Variants in FOXP2 observed in about 807,000 individuals in gnomAD.
FOXP2 encodes the protein forkhead box P2.
Under a neutral mutation model 115.8 loss-of-function variants are expected in FOXP2, and 12 were observed. That is an observed-to-expected ratio of 0.10 (90% CI 0.07 to 0.17). The LOEUF is 0.17. Among genes scored for constraint, FOXP2 ranks in the 10% least tolerant of loss-of-function variants. The probability of loss-of-function intolerance (pLI) is 1.00; values close to 1 mark genes in which losing one functional copy is unlikely to be tolerated. For missense variants in FOXP2, 629 were observed against 843.5 expected (o/e 0.75, Z 3.15); for synonymous variants, 328 against 297.7 (o/e 1.10, Z -1.05).
chr7:114,340,814 C>G (rs917142981), intron 2 of FOXP2, among the ~76,000 whole-genome samples: 1 of 151,086 alleles, frequency 6.6e-6, no homozygotes, highest in African/African-American at 2.4e-5. Context: ...TTAACTTATT[C>G]TTGTAAAAAT....
chr7:114,654,696 A>G (rs950058681), intron 10 of FOXP2, among the ~76,000 whole-genome samples: 5 of 152,172 alleles, frequency 3.3e-5, no homozygotes, highest in African/African-American at 9.6e-5. Context: ...TATCTCATTC[A>G]GCTGATGTTT....
intron 1 of FOXP2, among the ~76,000 whole-genome samples, chr7:114,202,881 C>T (rs1563003722): frequency 6.6e-6 from 1 of 152,118 alleles, no homozygotes; most frequent in Non-Finnish European, 1.5e-5. Context: ...ATGTGTAACA[C>T]CTCTTACCAA....
chr7:114,689,037 T>C (rs1352073440), intron 16 of FOXP2, among the ~76,000 whole-genome samples: 1 of 152,184 alleles, frequency 6.6e-6, no homozygotes, highest in Non-Finnish European at 1.5e-5. Context: ...TGAACCTTCA[T>C]AGCTTTTCTC....
chr7:114,590,274 C>T (rs1563019568), intron 3 of FOXP2, among the ~76,000 whole-genome samples: 1 of 151,910 alleles, frequency 6.6e-6, no homozygotes, highest in Non-Finnish European at 1.5e-5. Flanking sequence ...AAAATATAAC[C>T]CAAAGAAATT....
chr7:114,112,480 G>A (rs1292822475), intron 1 of FOXP2, among the ~76,000 whole-genome samples: 2 of 151,890 alleles, frequency 1.3e-5, no homozygotes, highest in Non-Finnish European at 2.9e-5. Flanking sequence ...TGTGTTTTTT[G>A]TAGAGATGGG....
At chr7:114,656,099 C>T (rs1364874807) in intron 10 of FOXP2, among the ~76,000 whole-genome samples, 3 of 152,032 alleles carry the variant, frequency 2.0e-5, no homozygotes, top group African/African-American at 4.8e-5. Context: ...AATAAGTTAC[C>T]GTAACATTGT....
rs527267745 is a variant in FOXP2, at chr7:114,608,677, C to A, written c.259-19863C>A. Among the ~76,000 whole-genome samples, 237 of 152,282 alleles carry A rather than the reference C, an allele frequency of 1.6e-3. 3 individuals carry two copies. The South Asian group carries it at 0.031, about 20-fold the overall frequency. On this transcript the variant is annotated intron_variant, in intron 3 of 16. Transcript: ENST00000350908. ...AAACACCATTCTAGGGGACACTTCA[C>A]CTGAGTGAGCCACTCACCACTGACC... is the stretch of plus-strand genomic sequence containing the variant.
intron 2 of FOXP2, among the ~76,000 whole-genome samples, chr7:114,314,090 T>C (rs1201445094): frequency 6.6e-6 from 1 of 152,016 alleles, no homozygotes; most frequent in Non-Finnish European, 1.5e-5. Flanking sequence ...CATGCTATTA[T>C]GGATTAATAT....
At position 114,693,665 on chromosome 7, in the gene FOXP2, T is replaced by G; in HGVS notation, c.*3739T>G. ...TACTATAGAATTAATGTATGAACAG[T>G]GTGTCACTGCTGTTGGATGTAAAAA... On this transcript the variant is annotated 3_prime_UTR_variant, in exon 17 of 17. Transcript: ENST00000350908. 1 of 413,372 alleles carries G rather than the reference T, an allele frequency of 2.4e-6. No homozygotes were observed. The highest frequency in any genetic ancestry group is 4.8e-6 in the Non-Finnish European group (1 of 206,984). The allele number at this position is 413,372 out of a possible 1,614,324, so 25.6% of individuals were successfully genotyped here. A position where few individuals can be genotyped will look rare whatever the true frequency, so the allele number is the denominator to read the frequency against.
chr7:114,423,665 A>G (rs777609569), intron 1 of FOXP2, among the ~76,000 whole-genome samples: 1 of 151,684 alleles, frequency 6.6e-6, no homozygotes. Flanking sequence ...TCATAAGCAC[A>G]TCCACTCTGA....
intron 8 of FOXP2, among the ~76,000 whole-genome samples, chr7:114,648,302 A>G (rs966007799): frequency 6.6e-6 from 1 of 152,186 alleles, no homozygotes; most frequent in Middle Eastern, 3.4e-3. Flanking sequence ...CATCTCACAT[A>G]ATCAACTAAA....
intron 2 of FOXP2, among the ~76,000 whole-genome samples, chr7:114,466,416 CT>C (rs1795801869): frequency 6.6e-6 from 1 of 152,198 alleles, no homozygotes; most frequent in Non-Finnish European, 1.5e-5. Flanking sequence ...TATCAATGGC[CT>C]CCCAGATGTG....
intron 1 of FOXP2, among the ~76,000 whole-genome samples, chr7:114,184,213 T>G (rs952746127): frequency 3.3e-5 from 5 of 152,156 alleles, no homozygotes; most frequent in African/African-American, 1.2e-4. Context: ...GTTTCAGTCT[T>G]GAAATGCCCA....
At chr7:114,196,408 A>G (rs1793909022) in intron 1 of FOXP2, among the ~76,000 whole-genome samples, 1 of 152,212 alleles carries the variant, frequency 6.6e-6, no homozygotes, top group Non-Finnish European at 1.5e-5. Flanking sequence ...CTAACTTTAG[A>G]CACTTAATTC....
chr7:114,514,950 G>C (rs556133943), intron 2 of FOXP2, among the ~76,000 whole-genome samples: 1 of 148,766 alleles, frequency 6.7e-6, no homozygotes, highest in African/African-American at 2.5e-5. Flanking sequence ...TCCCACCTAT[G>C]AGTGAGAATA....
chr7:114,606,957 T>G (rs765469927), intron 3 of FOXP2, among the ~76,000 whole-genome samples: 8 of 152,336 alleles, frequency 5.3e-5, no homozygotes, highest in Non-Finnish European at 1.2e-4. Flanking sequence ...GTTGAATGAC[T>G]TGGCCACTTT....
intron 1 of FOXP2, among the ~76,000 whole-genome samples, chr7:114,277,019 A>G (rs548801437): frequency 4.6e-5 from 7 of 152,280 alleles, no homozygotes; most frequent in Non-Finnish European, 1.0e-4. Context: ...CAGCATTAAG[A>G]TTGCCTAAAG....
At position 114,654,158 on chromosome 7, in the gene FOXP2, G is replaced by A. The variant is rs146062027; in HGVS notation, c.1266+149G>A. The A allele has an allele frequency of 1.0e-4, 159 of 1,519,948 alleles. 1 individual carries two copies. In the African/African-American group the frequency reaches 1.7e-3, roughly 16 times the overall value. 94.2% of individuals were successfully genotyped at this position (1,519,948 alleles called of 1,614,324 possible). On this transcript the variant is annotated intron_variant, in intron 10 of 16. Transcript: ENST00000350908. ...GTAAAATGTAATCGCTTGTCAAATT[G>A]TATGTTTCTTTTAAAGTAATGCTAT...
At position 114,628,641 on chromosome 7, in the gene FOXP2, C is replaced by T. The variant is rs931162237; in HGVS notation, c.360C>T (p.Ala120=). Residue 120 remains alanine, a synonymous_variant, in exon 4 of 17, where the codon GCC becomes GCT. Coordinates refer to ENST00000350908, the MANE Select transcript of FOXP2 (RefSeq NM_014491.4). ...QQVLSPQQLQ[A]LLQQQQAVML... ...TCCTGTCTCCTCAGCAGCTACAAGC[C>T]CTTCTCCAACAACAGCAGGCTGTCA... 8 of 1,613,918 alleles carry T rather than the reference C, an allele frequency of 5.0e-6. 2 individuals are homozygous for T. In the Admixed American group the frequency reaches 1.3e-4, roughly 27 times the overall value.
Sources: gnomAD v4.1 joint callset for allele counts (sites outside exome capture counted in the v4.1 genomes callset) on GRCh38, gnomAD v4.1.1 for gene constraint, MANE v1.5 for transcripts, NCBI Gene and HGNC (gene_info 2026-07-23, HGNC 2026-07-21) for gene names.